Variants in GIPC2 observed in about 807,000 individuals in gnomAD.
GIPC2 encodes the protein GIPC PDZ domain containing family member 2, also known as PDZ domain-containing protein GIPC2.
GIPC2 carries 30 observed loss-of-function variants against 30.6 expected under a neutral mutation model. The observed-to-expected ratio is 0.98, with a 90% CI of 0.73 to 1.33. GIPC2 has a LOEUF of 1.33. GIPC2 is among the 40% of genes most tolerant of loss of function. The pLI is 0.00. For synonymous variants in GIPC2, 167 were observed against 150.0 expected, an observed-to-expected ratio of 1.11 and a Z score of -0.83; for missense variants, 414 against 390.3, an observed-to-expected ratio of 1.06 and a Z score of -0.51.
At chr1:78,049,448 C>T (rs1661154985) in intron 1 of GIPC2, among the ~76,000 whole-genome samples, 1 of 152,164 alleles carries the variant, frequency 6.6e-6, no homozygotes, top group East Asian at 1.9e-4. Flanking sequence ...ACGCCCAGCC[C>T]TGTGATGTAA....
intron 1 of GIPC2, among the ~76,000 whole-genome samples, chr1:78,074,124 A>G (rs1028762232): frequency 6.6e-5 from 10 of 152,382 alleles, no homozygotes; most frequent in African/African-American, 2.4e-4. Context: ...AGGAAAGTTC[A>G]TGCACTTTAA....
chr1:78,116,098 G>A (rs1029325712), intron 3 of GIPC2, among the ~76,000 whole-genome samples: 2 of 152,158 alleles, frequency 1.3e-5, no homozygotes, highest in African/African-American at 2.4e-5. Context: ...TTAAAATCAT[G>A]GCGGAAGGGA....
chr1:78,049,509 G>A (rs1661155955), intron 1 of GIPC2, among the ~76,000 whole-genome samples: 1 of 152,202 alleles, frequency 6.6e-6, no homozygotes, highest in Non-Finnish European at 1.5e-5. Flanking sequence ...CCCTTAATGG[G>A]ATTGAATAGA....
At chr1:78,066,078 A>C (rs1661505943) in intron 1 of GIPC2, among the ~76,000 whole-genome samples, 1 of 152,234 alleles carries the variant, frequency 6.6e-6, no homozygotes, top group South Asian at 2.1e-4. Flanking sequence ...TCTGCACAGC[A>C]AAGAAAACTA....
intron 5 of GIPC2, among the ~76,000 whole-genome samples, chr1:78,130,216 C>T (rs1662867061): frequency 6.6e-6 from 1 of 151,774 alleles, no homozygotes; most frequent in Non-Finnish European, 1.5e-5. Context: ...GATTCTCCTG[C>T]CTCAGCCTCC....
chr1:78,045,827 A>C, upstream of GIPC2: 1 of 1,225,844 alleles, frequency 8.2e-7, no homozygotes, highest in Non-Finnish European at 1.0e-6. Context: ...ATTTTTTACA[A>C]GGAGTAGGGA....
At chr1:78,056,515 A>G (rs192329396) in intron 1 of GIPC2, among the ~76,000 whole-genome samples, 4 of 152,316 alleles carry the variant, frequency 2.6e-5, no homozygotes, top group Admixed American at 2.6e-4. Flanking sequence ...TTTTAAATAC[A>G]TGCAAAATCA....
intron 1 of GIPC2, among the ~76,000 whole-genome samples, chr1:78,078,215 G>C (rs548603093): frequency 2.3e-4 from 33 of 140,710 alleles, no homozygotes; most frequent in Non-Finnish European, 3.5e-4. Context: ...AAAAAACCTA[G>C]TGTATCACTT....
chr1:78,059,306 G>A (rs1020788713), intron 1 of GIPC2, among the ~76,000 whole-genome samples: 1 of 152,228 alleles, frequency 6.6e-6, no homozygotes, highest in African/African-American at 2.4e-5. Context: ...TTCCTCCAGA[G>A]CTTGTGCATT....
chr1:78,065,902 G>C (rs1481280342), intron 1 of GIPC2, among the ~76,000 whole-genome samples: 1 of 152,136 alleles, frequency 6.6e-6, no homozygotes, highest in African/African-American at 2.4e-5. Context: ...AATCAAGATG[G>C]ATTAAAGACT....
At chr1:78,133,751 TGTGTGTG>T (rs1662947533) in intron 5 of GIPC2, among the ~76,000 whole-genome samples, 1 of 320 alleles carries the variant, frequency 3.1e-3, no homozygotes, top group Non-Finnish European at 9.1e-3. Flanking sequence ...AAAAAAAAAT[TGTGTGTG>T]TGTGTGTGTG....
chr1:78,050,928 C>T (rs1256759883), intron 1 of GIPC2, among the ~76,000 whole-genome samples: 1 of 152,138 alleles, frequency 6.6e-6, no homozygotes, highest in Non-Finnish European at 1.5e-5. Flanking sequence ...GCCACCGTGT[C>T]CGGCCAATAC....
chr1:78,104,400 GA>G (rs1373287899), intron 3 of GIPC2, among the ~76,000 whole-genome samples: 2 of 152,114 alleles, frequency 1.3e-5, no homozygotes, highest in African/African-American at 4.8e-5. Flanking sequence ...TTGTTTTACA[GA>G]GTAATAGGGA....
At chr1:78,071,486 GCTC>G (rs1661617461) in intron 1 of GIPC2, among the ~76,000 whole-genome samples, 8 of 141,794 alleles carry the variant, frequency 5.6e-5, no homozygotes, top group South Asian at 2.2e-4. Context: ...TTTTTTTTTT[GCTC>G]CTCCTCCTCT....
chr1:78,072,901 T>A (rs996301317), intron 1 of GIPC2, among the ~76,000 whole-genome samples: 2 of 151,684 alleles, frequency 1.3e-5, no homozygotes, highest in Middle Eastern at 3.2e-3. Context: ...GCCTCCCGGG[T>A]TCATGTCATT....
chr1:78,105,436 A>G (rs1298382249), intron 3 of GIPC2, among the ~76,000 whole-genome samples: 1 of 151,782 alleles, frequency 6.6e-6, no homozygotes, highest in Admixed American at 6.6e-5. Flanking sequence ...ACAGACACGC[A>G]CCACCACGTC....
At chr1:78,079,027 A>G (rs2100343076) in intron 1 of GIPC2, among the ~76,000 whole-genome samples, 1 of 152,280 alleles carries the variant, frequency 6.6e-6, no homozygotes, top group South Asian at 2.1e-4. Context: ...AGGATCAGAA[A>G]TATGCACCAT....
At chr1:78,108,208 T>C (rs1662396723) in intron 3 of GIPC2, among the ~76,000 whole-genome samples, 1 of 152,198 alleles carries the variant, frequency 6.6e-6, no homozygotes, top group East Asian at 1.9e-4. Context: ...AGAACGACCT[T>C]TTACCTTTCC....
Position 78,137,589 on chromosome 1 carries a change from C to T in GIPC2, c.*1846C>T, listed in dbSNP as rs1021122094. ...GAATTTGTGTGTAAGGTTGTGATAT[C>T]CATGTACAGCTGTAACTATATATAC... On this transcript the variant is annotated 3_prime_UTR_variant, in exon 6 of 6. Coordinates refer to ENST00000370759, the MANE Select transcript of GIPC2 (RefSeq NM_017655.6). 3.3e-5 allele frequency: 5 copies of T among 152,100 alleles called. No individual in the cohort carries two copies. Among genetic ancestry groups the T allele is most frequent in the African/African-American group, 1.2e-4 (5 of 41,426 alleles). 9.4% of individuals were successfully genotyped at this position (152,100 alleles called of 1,614,324 possible).
Sources: allele counts gnomAD v4.1 joint callset (sites outside exome capture counted in the v4.1 genomes callset), GRCh38; gene constraint gnomAD v4.1.1; transcripts MANE v1.5; gene names NCBI Gene and HGNC (gene_info 2026-07-23, HGNC 2026-07-21).